Variants in C16orf78 observed in about 807,000 individuals in gnomAD.
C16orf78 encodes chromosome 16 open reading frame 78, also known as uncharacterized protein C16orf78.
C16orf78 carries 19 observed loss-of-function variants against 27.3 expected under a neutral mutation model. The ratio of observed to expected loss-of-function variants is 0.70; its 90% CI spans 0.49 to 1.02. The LOEUF is 1.02. Ranked by LOEUF, C16orf78 falls within the 50% of genes least tolerant of loss-of-function variation. C16orf78 has a pLI of 0.00. For synonymous variants in C16orf78, 130 were observed against 116.1 expected (o/e 1.12, Z -0.77); for missense variants, 339 against 337.0 (o/e 1.01, Z -0.05).
intron 4 of C16orf78, among the ~76,000 whole-genome samples, chr16:49,397,338 A>C (rs1410790258): frequency 1.3e-5 from 2 of 152,250 alleles, no homozygotes; most frequent in African/African-American, 4.8e-5. Flanking sequence ...TAAGGAAACA[A>C]AACAACAGAG....
intron 3 of C16orf78, among the ~76,000 whole-genome samples, chr16:49,393,953 A>T (rs1371828364): frequency 6.6e-6 from 1 of 152,126 alleles, no homozygotes; most frequent in African/African-American, 2.4e-5. Flanking sequence ...TCTATACAAT[A>T]CATTTTAAAA....
chr16:49,399,065 T>C (rs1965509051), intron 4 of C16orf78, 66 bp from the exon 5 acceptor site: 1 of 1,547,076 alleles, frequency 6.5e-7, no homozygotes, highest in Non-Finnish European at 8.8e-7. Context: ...CTAAGCTCTT[T>C]TCAATAAAGT....
At chr16:49,396,373 T>A in intron 3 of C16orf78, 50 bp from the exon 4 acceptor site, 1 of 1,597,456 alleles carries the variant, frequency 6.3e-7, no homozygotes, top group Admixed American at 1.7e-5. Context: ...CTACCCCACC[T>A]CTCACGTCTC....
chr16:49,376,908 C>G (rs894406024), intron 1 of C16orf78, among the ~76,000 whole-genome samples: 1 of 152,118 alleles, frequency 6.6e-6, no homozygotes, highest in African/African-American at 2.4e-5. Context: ...TCCAGGCCAC[C>G]GTCTCCCTGT....
chr16:49,381,740 C>T lies in C16orf78; in HGVS notation c.394+3147C>T, dbSNP rs911770313. Among the ~76,000 whole-genome samples the T allele has an allele frequency of 8.6e-5, 13 of 151,028 alleles. No homozygotes were observed. The South Asian group carries it at 1.9e-3, about 22-fold the overall frequency. ...TACCATCTCACACCAGTTAGAATGG[C>T]AATCATTAAAAAGTCAGGAAACAAC... is the stretch of plus-strand genomic sequence containing the variant. On this transcript the variant is annotated intron_variant, in intron 3 of 4. Coordinates refer to ENST00000299191, the MANE Select transcript of C16orf78 (RefSeq NM_144602.4).
chr16:49,399,027 G>A (rs2151617529), intron 4 of C16orf78, 104 bp from the exon 5 acceptor site: 1 of 1,281,146 alleles, frequency 7.8e-7, no homozygotes, highest in Non-Finnish European at 1.1e-6. Flanking sequence ...GCCCCTTGCA[G>A]AGCACCCACA....
At chr16:49,393,324 C>T (rs1965436635) in intron 3 of C16orf78, among the ~76,000 whole-genome samples, 1 of 152,160 alleles carries the variant, frequency 6.6e-6, no homozygotes, top group South Asian at 2.1e-4. Context: ...CAAACTGTAG[C>T]TTTACATCTG....
intron 4 of C16orf78, among the ~76,000 whole-genome samples, chr16:49,397,159 C>T (rs962466115): frequency 1.3e-5 from 2 of 152,150 alleles, no homozygotes; most frequent in African/African-American, 4.8e-5. Flanking sequence ...TACTGCTCTT[C>T]CCAAAGAGTC....
intron 3 of C16orf78, among the ~76,000 whole-genome samples, chr16:49,388,394 T>A (rs1481196866): frequency 1.3e-5 from 2 of 152,314 alleles, no homozygotes; most frequent in Admixed American, 1.3e-4. Context: ...GTCCCAGAGA[T>A]TCTGGTATAT....
intron 3 of C16orf78, among the ~76,000 whole-genome samples, chr16:49,388,264 T>C (rs1365460482): frequency 6.6e-6 from 1 of 152,190 alleles, no homozygotes; most frequent in Non-Finnish European, 1.5e-5. Context: ...TGGGGTTGGT[T>C]TGCTCTTGGT....
At position 49,396,488 on chromosome 16, in the gene C16orf78, A is replaced by C. The variant is rs778185917; in HGVS notation, c.460A>C (p.Ser154Arg). 9 of 1,614,056 alleles carry C rather than the reference A, an allele frequency of 5.6e-6. No homozygotes were observed. The highest frequency in any genetic ancestry group is 7.6e-6 in the Non-Finnish European group (9 of 1,180,028). ...GCGGCCAAACCCATTCCGTCGACAAAGCATTGTCTTAGATCCCATGTTACA... is the reference window on the plus strand; with the variant it reads ...GCGGCCAAACCCATTCCGTCGACAACGCATTGTCTTAGATCCCATGTTACA... Reference protein sequence around the residue: ...TQRPNPFRRQSIVLDPMLQEG... With the variant: ...TQRPNPFRRQRIVLDPMLQEG... The change falls in exon 4 of 5, where the codon AGC (serine) becomes CGC (arginine). Residue 154 changes from serine (S) to arginine (R), a missense_variant. Physicochemically the swap from Ser to Arg is moderately radical, Grantham distance 110 (BLOSUM62 -1). Coordinates refer to ENST00000299191, the MANE Select transcript of C16orf78 (RefSeq NM_144602.4).
chr16:49,392,931 T>C (rs777018867), intron 3 of C16orf78, among the ~76,000 whole-genome samples: 3 of 152,206 alleles, frequency 2.0e-5, no homozygotes, highest in African/African-American at 7.2e-5. Context: ...TTTCCCATGC[T>C]GTCCTCATGA....
intron 3 of C16orf78, among the ~76,000 whole-genome samples, chr16:49,386,669 T>C (rs1427413176): frequency 6.6e-6 from 1 of 152,142 alleles, no homozygotes; most frequent in Non-Finnish European, 1.5e-5. Context: ...TCATCATTTG[T>C]CTCCCACTTA....
Position 49,373,926 on chromosome 16 carries a change from A to G in C16orf78, c.-14A>G. ...CCAGCCACCTCCCACCCAAGCCACTAGCAAGACTCCACAATGTCAGAGCAA... is the reference window on the plus strand; with the variant it reads ...CCAGCCACCTCCCACCCAAGCCACTGGCAAGACTCCACAATGTCAGAGCAA... On this transcript the variant is annotated 5_prime_UTR_variant, in exon 1 of 5. Transcript: ENST00000299191. The G allele has an allele frequency of 2.5e-6, 4 of 1,614,084 alleles. No homozygotes were observed. The highest frequency in any genetic ancestry group is 3.4e-6 in the Non-Finnish European group (4 of 1,179,954).
At chr16:49,395,563 G>A (rs1415245847) in intron 3 of C16orf78, among the ~76,000 whole-genome samples, 1 of 151,748 alleles carries the variant, frequency 6.6e-6, no homozygotes, top group Admixed American at 6.6e-5. Flanking sequence ...CCAAAATATT[G>A]GGCACCCCTG....
intron 1 of C16orf78, among the ~76,000 whole-genome samples, chr16:49,374,946 T>A (rs909117580): frequency 6.6e-6 from 1 of 152,080 alleles, no homozygotes; most frequent in African/African-American, 2.4e-5. Context: ...GCAAAATGAG[T>A]AAAAAATGCC....
intron 3 of C16orf78, among the ~76,000 whole-genome samples, chr16:49,394,581 T>C (rs1412420852): frequency 6.6e-6 from 1 of 151,938 alleles, no homozygotes. Flanking sequence ...GTATCCCAAA[T>C]AGGGGCAAAT....
intron 3 of C16orf78, among the ~76,000 whole-genome samples, chr16:49,380,773 G>T (rs897940822): frequency 6.6e-6 from 1 of 152,030 alleles, no homozygotes; most frequent in Admixed American, 6.6e-5. Context: ...TAGGTCTAAC[G>T]TTTAAGTCTT....
At chr16:49,374,110 A>G (rs1367163967) in intron 1 of C16orf78, 21 bp downstream of exon 1, 49 of 1,612,330 alleles carry the variant, frequency 3.0e-5, no homozygotes, top group Non-Finnish European at 3.7e-5. Flanking sequence ...TCCAAGAGAA[A>G]TGGCAGGAAG....
Sources: allele counts gnomAD v4.1 joint callset (sites outside exome capture counted in the v4.1 genomes callset), GRCh38; gene constraint gnomAD v4.1.1; transcripts MANE v1.5; gene names NCBI Gene and HGNC (gene_info 2026-07-23, HGNC 2026-07-21).